Variants in TRPM3 observed in about 807,000 individuals in gnomAD.
TRPM3 encodes the protein long transient receptor potential channel 3.
TRPM3 carries 77 observed loss-of-function variants against 181.2 expected under a neutral mutation model. The ratio of observed to expected loss-of-function variants is 0.42; its 90% CI spans 0.35 to 0.51. The LOEUF (loss-of-function observed/expected upper bound fraction) is 0.51, where lower values mean the gene tolerates loss of function less well. Among genes scored for constraint, TRPM3 ranks in the 20% least tolerant of loss-of-function variants. The pLI is 0.01. For missense variants in TRPM3, 1,759 were observed against 2,196.7 expected (o/e 0.80, Z 3.98); for synonymous variants, 745 against 796.4 (o/e 0.94, Z 1.09).
At position 71,121,299 on chromosome 9, in the gene TRPM3, A is replaced by C; in HGVS notation, c.56T>G (p.Phe19Cys). 1 of 1,614,016 alleles carries C rather than the reference A, an allele frequency of 6.2e-7. No individual in the cohort carries two copies. ...TTCCAAATTCCACCAGGAAAACAAG[A>C]AACTGAAAACCTGAGCAATGCCTAG... ...YFLGIAQVFS[F>C]LFSWWNLEGV... The change falls in exon 1 of 26, where the codon TTC (phenylalanine) becomes TGC (cysteine). Residue 19 changes from phenylalanine (F) to cysteine (C), a missense_variant. Phe to Cys is a radical substitution (Grantham distance 205, BLOSUM62 -2). Around this residue, in one of 8 missense-constraint regions of TRPM3, gnomAD observed 737 missense variants for 957.4 expected, o/e 0.77. Coordinates refer to ENST00000677713, the MANE Select transcript of TRPM3 (RefSeq NM_001366145.2).
intron 1 of TRPM3, among the ~76,000 whole-genome samples, chr9:71,163,727 T>TC (rs2076388052): frequency 6.6e-6 from 1 of 151,986 alleles, no homozygotes; most frequent in South Asian, 2.1e-4. Context: ...AAAGACTGAG[T>TC]CCTGGAGAAA....
At chr9:71,362,284 G>A (rs1407290450) in intron 1 of TRPM3, among the ~76,000 whole-genome samples, 1 of 152,192 alleles carries the variant, frequency 6.6e-6, no homozygotes, top group Non-Finnish European at 1.5e-5. Flanking sequence ...TCCCCTGGGA[G>A]GAGATGCACC....
chr9:70,648,488 T>C (rs2059188899), intron 9 of TRPM3, among the ~76,000 whole-genome samples: 1 of 152,036 alleles, frequency 6.6e-6, no homozygotes, highest in African/African-American at 2.4e-5. Flanking sequence ...AAGGAAAACC[T>C]ATTCTAAATT....
rs368596363 is a variant in TRPM3, at chr9:70,640,594, C to T, written c.1412G>A (p.Arg471His). Residue 471 changes from arginine (R) to histidine (H), a missense_variant, in exon 10 of 26, where the codon CGC (arginine) becomes CAC (histidine). Coordinates refer to ENST00000677713, the MANE Select transcript of TRPM3 (RefSeq NM_001366145.2). Reference protein sequence around the residue: ...ALAWNRVDIARSQIFIYGQQW... With the variant: ...ALAWNRVDIAHSQIFIYGQQW... The stretch of plus-strand genomic sequence containing the variant: ...TTGCCCGTAAATAAAGATCTGGCTG[C>T]GAGCGATGTCGACTCTGTTCCAGGC... 12 of 1,613,504 alleles carry T rather than the reference C, an allele frequency of 7.4e-6. No homozygotes were observed. Among genetic ancestry groups the T allele is most frequent in the African/African-American group, 4.0e-5 (3 of 74,906 alleles).
intron 1 of TRPM3, among the ~76,000 whole-genome samples, chr9:71,169,035 A>G (rs1341976840): frequency 3.3e-5 from 5 of 152,176 alleles, no homozygotes; most frequent in Non-Finnish European, 5.9e-5. Context: ...AGGTTGTATC[A>G]GGCATTGGCA....
At chr9:70,609,506 G>A (rs79022733) in intron 19 of TRPM3, among the ~76,000 whole-genome samples, 142 of 152,290 alleles carry the variant, frequency 9.3e-4, no homozygotes, top group Non-Finnish European at 1.9e-3. Flanking sequence ...ATCCCACAAG[G>A]GAACATTTAG....
intron 1 of TRPM3, among the ~76,000 whole-genome samples, chr9:71,054,763 G>C (rs2060468718): frequency 6.6e-6 from 1 of 152,054 alleles, no homozygotes; most frequent in Non-Finnish European, 1.5e-5. Context: ...AATCTGAAGG[G>C]GCAGGATTGG....
chr9:70,877,194 G>C (rs896704554), intron 1 of TRPM3, among the ~76,000 whole-genome samples: 1 of 151,874 alleles, frequency 6.6e-6, no homozygotes, highest in Non-Finnish European at 1.5e-5. Context: ...ATAGAGCCCA[G>C]GTTCGTTACT....
intron 8 of TRPM3, among the ~76,000 whole-genome samples, chr9:70,755,770 T>C (rs890181015): frequency 2.0e-5 from 3 of 152,080 alleles, no homozygotes; most frequent in Non-Finnish European, 4.4e-5. Flanking sequence ...GACAAGCAAA[T>C]GCTGGGAGAT....
At chr9:71,429,580 C>T (rs1360817125) in intron 1 of TRPM3, among the ~76,000 whole-genome samples, 1 of 152,210 alleles carries the variant, frequency 6.6e-6, no homozygotes, top group Non-Finnish European at 1.5e-5. Flanking sequence ...TACACAGCTT[C>T]CAGTATCCTA....
intron 25 of TRPM3, among the ~76,000 whole-genome samples, chr9:70,539,388 C>T (rs1432313853): frequency 2.0e-5 from 3 of 152,072 alleles, no homozygotes; most frequent in Non-Finnish European, 4.4e-5. Flanking sequence ...TCTCTCAGGA[C>T]CCCCCACCCC....
intron 1 of TRPM3, among the ~76,000 whole-genome samples, chr9:71,119,074 T>C (rs2073065465): frequency 6.6e-6 from 1 of 152,150 alleles, no homozygotes; most frequent in African/African-American, 2.4e-5. Flanking sequence ...GACAATACAA[T>C]TGCTCATATA....
intron 6 of TRPM3, among the ~76,000 whole-genome samples, chr9:70,787,763 C>CTTTTTTTTTTTTTTTTTTTTG (rs2084054300): frequency 1.0e-4 from 7 of 68,548 alleles, no homozygotes; most frequent in Non-Finnish European, 1.6e-4. Flanking sequence ...TTTTTGGATT[C>CTTTTTTTTTTTTTTTTTTTTG]TTTTTTTTTT....
chr9:71,412,900 A>G (rs1486739930), intron 1 of TRPM3, among the ~76,000 whole-genome samples: 1 of 152,224 alleles, frequency 6.6e-6, no homozygotes, highest in Non-Finnish European at 1.5e-5. Context: ...CATATACACC[A>G]TGGAATACTA....
chr9:70,588,954 C>A (rs574197437), intron 22 of TRPM3, among the ~76,000 whole-genome samples: 3 of 152,330 alleles, frequency 2.0e-5, no homozygotes, highest in African/African-American at 7.2e-5. Context: ...AGAAAACTGG[C>A]TGATTTAGCT....
intron 1 of TRPM3, among the ~76,000 whole-genome samples, chr9:70,914,648 T>C (rs917455997): frequency 2.0e-5 from 3 of 152,190 alleles, no homozygotes; most frequent in Admixed American, 1.3e-4. Context: ...TGAGTGAGAC[T>C]CAGTGCTGAA....
intron 1 of TRPM3, among the ~76,000 whole-genome samples, chr9:71,439,856 C>T (rs1422245113): frequency 6.6e-6 from 1 of 152,090 alleles, no homozygotes; most frequent in East Asian, 1.9e-4. Context: ...CGCAGTGGCT[C>T]ACACCTGTAA....
chr9:71,374,629 T>C (rs2092618746), intron 1 of TRPM3, among the ~76,000 whole-genome samples: 1 of 152,096 alleles, frequency 6.6e-6, no homozygotes, highest in African/African-American at 2.4e-5. Flanking sequence ...ATAAAGGGTG[T>C]TCAAGTAGGA....
At chr9:71,166,079 G>A (rs1029219648) in intron 1 of TRPM3, among the ~76,000 whole-genome samples, 1 of 152,126 alleles carries the variant, frequency 6.6e-6, no homozygotes, top group Non-Finnish European at 1.5e-5. Context: ...GATTCCTGTG[G>A]TCCTCTATGA....
Sources: allele counts gnomAD v4.1 joint callset (sites outside exome capture counted in the v4.1 genomes callset), GRCh38; gene constraint gnomAD v4.1.1; regional missense constraint gnomAD v4.1.1; transcripts MANE v1.5; gene names NCBI Gene and HGNC (gene_info 2026-07-23, HGNC 2026-07-21).